The following SEMA6D variants were observed in gnomAD, a reference collection of about 807,000 sequenced individuals.
SEMA6D encodes semaphorin 6D.
A neutral mutation model predicts 106.6 loss-of-function variants in SEMA6D; 35 were observed. The observed-to-expected ratio is 0.33, with a 90% CI of 0.25 to 0.44. The LOEUF is 0.44. SEMA6D is among the 20% of genes least tolerant of loss of function. SEMA6D has a pLI of 1.00. For missense variants in SEMA6D, 1,185 were observed against 1,345.9 expected, an observed-to-expected ratio of 0.88 and a Z score of 1.87; for synonymous variants, 499 against 487.7, an observed-to-expected ratio of 1.02 and a Z score of -0.31.
intron 1 of SEMA6D, among the ~76,000 whole-genome samples, chr15:47,277,233 T>C (rs1475781116): frequency 6.6e-6 from 1 of 152,148 alleles, no homozygotes; most frequent in East Asian, 1.9e-4. Context: ...ATCTAGACTA[T>C]TATGCAAATA....
chr15:47,599,783 C>G (rs1470616676), intron 3 of SEMA6D, among the ~76,000 whole-genome samples: 2 of 152,002 alleles, frequency 1.3e-5, no homozygotes, highest in Non-Finnish European at 2.9e-5. Flanking sequence ...TGCCCTAAGG[C>G]TAAGAACATT....
At chr15:47,581,836 G>A (rs900488440) in intron 3 of SEMA6D, among the ~76,000 whole-genome samples, 1 of 152,198 alleles carries the variant, frequency 6.6e-6, no homozygotes, top group Non-Finnish European at 1.5e-5. Context: ...CTGAGGTCTA[G>A]AGAGTTTATA....
rs202216548 is a variant in SEMA6D at position 47,474,529 on chromosome 15, AT to A, written c.-87+3985del. 8.0e-3 allele frequency among the ~76,000 whole-genome samples: 1,219 copies of A among 152,334 alleles called. 7 individuals carry two copies. The highest frequency in any genetic ancestry group is 0.015 in the Admixed American group (233 of 15,300). ...CAGCAAATGTCACATGACTTTAAAAATCATCTTAAAATATGATTCTTCTCAA... is the reference window on the plus strand; with the variant it reads ...CAGCAAATGTCACATGACTTTAAAAACATCTTAAAATATGATTCTTCTCAA... On this transcript the variant is annotated intron_variant, in intron 3 of 19. Transcript: ENST00000558014.
At chr15:47,209,204 A>G (rs1188170780) in intron 1 of SEMA6D, among the ~76,000 whole-genome samples, 1 of 152,244 alleles carries the variant, frequency 6.6e-6, no homozygotes, top group Non-Finnish European at 1.5e-5. Context: ...AAATATTTCC[A>G]TGATAATAAA....
intron 1 of SEMA6D, among the ~76,000 whole-genome samples, chr15:47,219,029 C>A (rs923194848): frequency 6.6e-6 from 1 of 152,244 alleles, no homozygotes; most frequent in Admixed American, 6.5e-5. Flanking sequence ...ATTTTTCTGA[C>A]TGTTGGCATT....
intron 3 of SEMA6D, among the ~76,000 whole-genome samples, chr15:47,493,612 C>A (rs1412634448): frequency 6.6e-6 from 1 of 152,118 alleles, no homozygotes; most frequent in Non-Finnish European, 1.5e-5. Context: ...ACAATTACAC[C>A]ACCTAACAGT....
At chr15:47,189,224 G>C (rs1355628617) in intron 1 of SEMA6D, among the ~76,000 whole-genome samples, 1 of 151,852 alleles carries the variant, frequency 6.6e-6, no homozygotes, top group Admixed American at 6.6e-5. Context: ...CTTTCCCCTT[G>C]CTACCCTGGC....
At chr15:47,392,736 T>G (rs1270924998) in intron 1 of SEMA6D, among the ~76,000 whole-genome samples, 1 of 152,178 alleles carries the variant, frequency 6.6e-6, no homozygotes, top group African/African-American at 2.4e-5. Context: ...TTTGTGATAA[T>G]TTTTTATGGC....
chr15:47,284,024 T>G (rs1453870314), intron 1 of SEMA6D, among the ~76,000 whole-genome samples: 1 of 152,160 alleles, frequency 6.6e-6, no homozygotes, highest in Non-Finnish European at 1.5e-5. Flanking sequence ...CCCACTGCTT[T>G]TGGTTCACTT....
intron 1 of SEMA6D, among the ~76,000 whole-genome samples, chr15:47,288,795 C>T (rs1284643162): frequency 2.0e-5 from 3 of 152,292 alleles, no homozygotes; most frequent in South Asian, 2.1e-4. Context: ...TGTCTGTGAC[C>T]GTCCTTCCAC....
intron 4 of SEMA6D, among the ~76,000 whole-genome samples, chr15:47,684,909 C>T (rs2078437431): frequency 6.6e-6 from 1 of 152,034 alleles, no homozygotes; most frequent in African/African-American, 2.4e-5. Flanking sequence ...GGCTCAATGC[C>T]AAATACCAGA....
At chr15:47,515,816 C>T (rs7162710) in intron 3 of SEMA6D, among the ~76,000 whole-genome samples, 3,197 of 152,264 alleles carry the variant, frequency 0.021, 121 homozygotes, top group African/African-American at 0.073. Flanking sequence ...AATGAGGCTG[C>T]CTTACGACAT....
chr15:47,478,492 AAAG>A (rs1418361103), intron 3 of SEMA6D, among the ~76,000 whole-genome samples: 1 of 152,190 alleles, frequency 6.6e-6, no homozygotes, highest in African/African-American at 2.4e-5. Context: ...TATTATAGAG[AAAG>A]AATAATGCTA....
intron 2 of SEMA6D, among the ~76,000 whole-genome samples, chr15:47,426,082 C>G (rs1395559829): frequency 6.6e-6 from 1 of 152,002 alleles, no homozygotes; most frequent in Admixed American, 6.6e-5. Context: ...GTCTTGAAAG[C>G]CTTTTGTGTG....
intron 1 of SEMA6D, among the ~76,000 whole-genome samples, chr15:47,398,561 C>T (rs971672518): frequency 6.6e-6 from 1 of 152,040 alleles, no homozygotes; most frequent in African/African-American, 2.4e-5. Flanking sequence ...AAATTCAGTT[C>T]CCACTCCCTG....
intron 1 of SEMA6D, among the ~76,000 whole-genome samples, chr15:47,387,528 A>G (rs552027440): frequency 6.6e-6 from 1 of 152,344 alleles, no homozygotes; most frequent in African/African-American, 2.4e-5. Context: ...TTAAATGAAT[A>G]ATGTTGAAAG....
chr15:47,501,596 A>G (rs1451040459), intron 3 of SEMA6D, among the ~76,000 whole-genome samples: 1 of 152,226 alleles, frequency 6.6e-6, no homozygotes, highest in Non-Finnish European at 1.5e-5. Context: ...TGTGGGATCA[A>G]GTTCCCCACT....
intron 1 of SEMA6D, among the ~76,000 whole-genome samples, chr15:47,749,080 CTTTTTTTT>C (rs71118197): frequency 2.9e-5 from 3 of 102,692 alleles, no homozygotes; most frequent in African/African-American, 1.2e-4. Context: ...CTTTTTTTTT[CTTTTTTTT>C]TTTTTTTTTG....
chr15:47,529,851 C>A (rs1269434434), intron 3 of SEMA6D, among the ~76,000 whole-genome samples: 1 of 152,132 alleles, frequency 6.6e-6, no homozygotes, highest in African/African-American at 2.4e-5. Context: ...AAGGGGTGAT[C>A]GTTCCAGCCA....
Sources: gnomAD v4.1 joint callset for allele counts (sites outside exome capture counted in the v4.1 genomes callset) on GRCh38, gnomAD v4.1.1 for gene constraint, MANE v1.5 for transcripts, NCBI Gene and HGNC (gene_info 2026-07-23, HGNC 2026-07-21) for gene names.